The following SNAP25 variants were observed in gnomAD, a reference collection of about 807,000 sequenced individuals.
SNAP25 encodes the protein synaptosomal-associated protein 25.
In SNAP25, 3 loss-of-function variants were observed where a neutral mutation model predicts 28.7. The ratio of observed to expected loss-of-function variants is 0.10; its 90% CI spans 0.05 to 0.27. SNAP25 has a LOEUF of 0.27. Ranked by LOEUF, SNAP25 falls within the 10% of genes least tolerant of loss-of-function variation. The pLI is 1.00. For synonymous variants in SNAP25, 61 were observed against 88.1 expected (o/e 0.69, Z 1.72); for missense variants, 117 against 278.7 (o/e 0.42, Z 4.13).
chr20:10,269,981 C>T (rs2063564998), intron 1 of SNAP25, among the ~76,000 whole-genome samples: 2 of 152,216 alleles, frequency 1.3e-5, no homozygotes, highest in Admixed American at 6.5e-5. Context: ...CAGCCCGGCA[C>T]GGTGGCTTAC....
At chr20:10,300,885 A>G (rs1164116677) in intron 7 of SNAP25, among the ~76,000 whole-genome samples, 1 of 152,130 alleles carries the variant, frequency 6.6e-6, no homozygotes, top group Non-Finnish European at 1.5e-5. Context: ...AGAGTTTCAA[A>G]ACTCACTAGA....
At chr20:10,253,965 A>T (rs1012216795) in intron 1 of SNAP25, among the ~76,000 whole-genome samples, 1 of 152,044 alleles carries the variant, frequency 6.6e-6, no homozygotes, top group African/African-American at 2.4e-5. Flanking sequence ...TCCTCCTCCC[A>T]CAGAGCCCAC....
At chr20:10,303,044 C>T (rs780444337) in intron 7 of SNAP25, among the ~76,000 whole-genome samples, 7 of 152,240 alleles carry the variant, frequency 4.6e-5, no homozygotes, top group East Asian at 3.9e-4. Context: ...AGAATGTTTG[C>T]GCTCAGGAAT....
chr20:10,278,808 T>C (rs1405520695), intron 3 of SNAP25, among the ~76,000 whole-genome samples: 4 of 151,742 alleles, frequency 2.6e-5, no homozygotes. Flanking sequence ...CCTTCTCTTA[T>C]TTCTGTAGCT....
At chr20:10,284,624 A>C in intron 3 of SNAP25, 100 bp from the exon 4 acceptor site, 1 of 929,346 alleles carries the variant, frequency 1.1e-6, no homozygotes, top group Admixed American at 1.9e-5. Flanking sequence ...GTCCTTCTTC[A>C]TTTTCCATTT....
intron 4 of SNAP25, among the ~76,000 whole-genome samples, chr20:10,292,241 AT>A (rs1167131461): frequency 6.6e-6 from 1 of 152,234 alleles, no homozygotes; most frequent in Non-Finnish European, 1.5e-5. Context: ...AGGAATTGCA[AT>A]GTTCCAGGAC....
chr20:10,248,016 A>C (rs1375109019), intron 1 of SNAP25, among the ~76,000 whole-genome samples: 1 of 152,200 alleles, frequency 6.6e-6, no homozygotes, highest in Non-Finnish European at 1.5e-5. Context: ...GGTGTATCTC[A>C]TGATCCATTA....
chr20:10,255,875 A>G (rs1946080810), intron 1 of SNAP25, among the ~76,000 whole-genome samples: 1 of 152,246 alleles, frequency 6.6e-6, no homozygotes, highest in South Asian at 2.1e-4. Flanking sequence ...AAATAAATGC[A>G]TAATAACAAA....
At chr20:10,242,361 C>A (rs945135421) in intron 1 of SNAP25, among the ~76,000 whole-genome samples, 5 of 152,190 alleles carry the variant, frequency 3.3e-5, no homozygotes, top group Non-Finnish European at 5.9e-5. Context: ...TAGCCCTGAA[C>A]TGGTCAGTCA....
At chr20:10,296,229 TCTTTTA>T (rs1196083908) in intron 5 of SNAP25, 1 of 152,256 alleles carries the variant, frequency 6.6e-6, no homozygotes, top group Non-Finnish European at 1.5e-5. Context: ...TCACTATGCT[TCTTTTA>T]CTTTTTGTCT....
intron 1 of SNAP25, among the ~76,000 whole-genome samples, chr20:10,222,754 A>G (rs1295883478): frequency 6.6e-6 from 1 of 152,204 alleles, no homozygotes; most frequent in Non-Finnish European, 1.5e-5. Flanking sequence ...GAGATGGTTA[A>G]TGAAAAAAAA....
chr20:10,226,358 T>G (rs371299432), intron 1 of SNAP25, among the ~76,000 whole-genome samples: 49 of 152,318 alleles, frequency 3.2e-4, no homozygotes, highest in African/African-American at 1.1e-3. Flanking sequence ...ATCTACTTTT[T>G]CCAATTCCAT....
chr20:10,282,363 G>T (rs893026846), intron 3 of SNAP25, among the ~76,000 whole-genome samples: 3 of 152,084 alleles, frequency 2.0e-5, no homozygotes, highest in Non-Finnish European at 2.9e-5. Flanking sequence ...TCTCTTCCAG[G>T]GTCTCGTGAC....
chr20:10,228,781 A>G (rs939752574), intron 1 of SNAP25, among the ~76,000 whole-genome samples: 1 of 152,132 alleles, frequency 6.6e-6, no homozygotes, highest in Admixed American at 6.5e-5. Flanking sequence ...ATGTTCAGTT[A>G]CCTGCTATTT....
At chr20:10,265,735 C>T (rs1225376317) in intron 1 of SNAP25, among the ~76,000 whole-genome samples, 5 of 152,102 alleles carry the variant, frequency 3.3e-5, no homozygotes, top group Non-Finnish European at 5.9e-5. Flanking sequence ...AATAACATCG[C>T]GTGGTCAAGA....
At chr20:10,280,939 A>G (rs1348112339) in intron 3 of SNAP25, among the ~76,000 whole-genome samples, 3 of 152,204 alleles carry the variant, frequency 2.0e-5, no homozygotes, top group Non-Finnish European at 2.9e-5. Flanking sequence ...AGATATGCAG[A>G]TGTGGGGTCT....
At chr20:10,276,843 T>C (rs2063700255) in intron 2 of SNAP25, among the ~76,000 whole-genome samples, 1 of 152,240 alleles carries the variant, frequency 6.6e-6, no homozygotes, top group African/African-American at 2.4e-5. Context: ...TATTTGTGTA[T>C]TTTTCCCAGA....
At chr20:10,260,691 AC>A (rs1291896519) in intron 1 of SNAP25, among the ~76,000 whole-genome samples, 2 of 3,268 alleles carry the variant, frequency 6.1e-4, no homozygotes, top group Admixed American at 6.3e-3. Flanking sequence ...GACTCACTAC[AC>A]ACACACACAC....
At chr20:10,225,505 G>A (rs186280880) in intron 1 of SNAP25, among the ~76,000 whole-genome samples, 76 of 152,244 alleles carry the variant, frequency 5.0e-4, no homozygotes, top group East Asian at 7.7e-4. Flanking sequence ...GCCTGCTCCC[G>A]AATGATGCTG....
Sources: allele counts gnomAD v4.1 joint callset (sites outside exome capture counted in the v4.1 genomes callset), GRCh38; gene constraint gnomAD v4.1.1; transcripts MANE v1.5; gene names NCBI Gene and HGNC (gene_info 2026-07-23, HGNC 2026-07-21).